The following UTS2B variants were observed in gnomAD, a reference collection of about 807,000 sequenced individuals.
UTS2B encodes the protein urotensin-2B.
UTS2B carries 21 observed loss-of-function variants against 19.2 expected under a neutral mutation model. The ratio of observed to expected loss-of-function variants is 1.09; its 90% CI spans 0.78 to 1.58. The LOEUF is 1.58. Ranked by LOEUF, UTS2B falls within the 40% of genes most tolerant of loss-of-function variation. The pLI is 0.00. For missense variants in UTS2B, 138 were observed against 130.3 expected (o/e 1.06, Z -0.29); for synonymous variants, 57 against 50.2 (o/e 1.14, Z -0.58).
upstream of UTS2B, among the ~76,000 whole-genome samples, chr3:191,331,274 T>C (rs1017780938): frequency 1.3e-5 from 2 of 152,214 alleles, no homozygotes; most frequent in Admixed American, 6.5e-5. Context: ...GCTATGATTT[T>C]ATCCAATCCC....
intron 8 of UTS2B, among the ~76,000 whole-genome samples, chr3:191,270,714 C>A (rs1222550304): frequency 1.3e-5 from 2 of 152,110 alleles, no homozygotes; most frequent in Non-Finnish European, 2.9e-5. Flanking sequence ...CCATTAATGA[C>A]CTTTCCTCTG....
the UTS2B span, among the ~76,000 whole-genome samples, chr3:191,336,402 T>C: frequency 6.6e-6 from 1 of 152,340 alleles, no homozygotes; most frequent in African/African-American, 2.4e-5. Context: ...TGGATTTAAT[T>C]TGTATTTCCC....
At position 191,282,274 on chromosome 3, in the gene UTS2B, C is replaced by A. The variant is rs904390881; in HGVS notation, c.-85G>T. On this transcript the variant is annotated 5_prime_UTR_variant, in exon 5 of 9. Coordinates refer to ENST00000340524, the MANE Select transcript of UTS2B (RefSeq NM_198152.5). ...TCTATAGCTTTGGAATTCAGTAGAG[C>A]TTAGTTGCAAAAGGCAAGTGTGCCT... 2 of 999,584 alleles carry A rather than the reference C, an allele frequency of 2.0e-6. No individual in the cohort carries two copies. Among genetic ancestry groups the A allele is most frequent in the Admixed American group, 5.6e-5 (2 of 35,424 alleles). 61.9% of individuals were successfully genotyped at this position (999,584 alleles called of 1,614,324 possible).
chr3:191,289,405 T>A (rs972297634), intron 4 of UTS2B, among the ~76,000 whole-genome samples: 2 of 100,976 alleles, frequency 2.0e-5, no homozygotes, highest in East Asian at 5.0e-4. Flanking sequence ...CAAGACTCCA[T>A]CTCAATAAAT....
At chr3:191,310,343 T>G (rs992813456) in intron 3 of UTS2B, among the ~76,000 whole-genome samples, 1 of 151,752 alleles carries the variant, frequency 6.6e-6, no homozygotes, top group Admixed American at 6.6e-5. Flanking sequence ...TCAAAACAAA[T>G]AGTAGGTTTC....
Position 191,276,845 on chromosome 3 carries a change from C to A in UTS2B, c.203-1G>T. The A allele has an allele frequency of 6.2e-7, 1 of 1,610,976 alleles. No individual in the cohort carries two copies. Among genetic ancestry groups the A allele is most frequent in the Non-Finnish European group, 8.5e-7 (1 of 1,178,794 alleles). On this transcript the variant is annotated splice_acceptor_variant, in intron 6 of 8. Transcript: ENST00000340524. LOFTEE classifies it high-confidence loss of function. The stretch of plus-strand genomic sequence containing the variant: ...TCCAGTTTGTTAGGTAAGGCTAGGT[C>A]TGCAAGACACATTTGTCACATGAAA...
chr3:191,286,806 G>GA (rs960626698), intron 4 of UTS2B, among the ~76,000 whole-genome samples: 5 of 148,918 alleles, frequency 3.4e-5, no homozygotes, highest in African/African-American at 1.2e-4. Flanking sequence ...AAGAACAATA[G>GA]AAAAGAGCAA....
intron 2 of UTS2B, among the ~76,000 whole-genome samples, chr3:191,324,778 G>A (rs767033623): frequency 3.9e-5 from 6 of 152,154 alleles, no homozygotes; most frequent in Non-Finnish European, 7.3e-5. Context: ...GCCCGGCGTG[G>A]TGGCTCATGC....
intron 8 of UTS2B, among the ~76,000 whole-genome samples, chr3:191,269,834 G>T (rs988957938): frequency 1.3e-5 from 2 of 152,184 alleles, no homozygotes; most frequent in Non-Finnish European, 2.9e-5. Flanking sequence ...ATATAGTTTG[G>T]AGAATTTTTT....
chr3:191,293,299 T>G (rs964926974), intron 4 of UTS2B, among the ~76,000 whole-genome samples: 2 of 152,232 alleles, frequency 1.3e-5, no homozygotes, highest in East Asian at 3.8e-4. Context: ...TCTTTTAAGT[T>G]TTTGAAGAGT....
At position 191,268,325 on chromosome 3, in the gene UTS2B, A is replaced by C. The variant is rs897089737; in HGVS notation, c.*91T>G. On this transcript the variant is annotated 3_prime_UTR_variant, in exon 9 of 9. Transcript: ENST00000340524. Reference sequence around the variant, plus strand: ...AGCATTTCATCTTTTATTCCACAGCAATAGTTTCAGGGGGTCTGCCTACAG... The same window carrying C: ...AGCATTTCATCTTTTATTCCACAGCCATAGTTTCAGGGGGTCTGCCTACAG... 4.3e-6 allele frequency: 4 copies of C among 929,416 alleles called. No individual in the cohort carries two copies. Among genetic ancestry groups the C allele is most frequent in the Non-Finnish European group, 6.5e-6 (4 of 619,342 alleles). 57.6% of individuals were successfully genotyped at this position (929,416 alleles called of 1,614,324 possible).
the UTS2B span, among the ~76,000 whole-genome samples, chr3:191,337,741 C>T: frequency 2.0e-5 from 3 of 151,878 alleles, no homozygotes; most frequent in South Asian, 2.1e-4. Context: ...AAGAGTATGC[C>T]GTATGCCAGC....
Position 191,278,148 on chromosome 3 carries a change from T to A in UTS2B, c.126A>T (p.Lys42Asn), listed in dbSNP as rs1716289202. Residue 42 changes from lysine to asparagine, a missense_variant, in exon 6 of 9, where the codon AAA becomes AAT. Lys to Asn is a moderately conservative substitution (Grantham distance 94). Transcript: ENST00000340524. The part of the protein sequence containing the change: ...LTQGNEIFPD[K>N]KYTNREELLL... ...ATAGTTCCTCACGATTTGTATATTTTTTATCTGGAAATATTTCATTTCCTA... is the reference window on the plus strand; with the variant it reads ...ATAGTTCCTCACGATTTGTATATTTATTATCTGGAAATATTTCATTTCCTA... 1 of 1,553,198 alleles carries A rather than the reference T, an allele frequency of 6.4e-7. No homozygotes were observed. The highest frequency in any genetic ancestry group is 2.1e-5 in the Admixed American group (1 of 47,844).
intron 4 of UTS2B, among the ~76,000 whole-genome samples, chr3:191,285,714 A>G (rs1375177642): frequency 6.6e-6 from 1 of 152,152 alleles, no homozygotes; most frequent in Non-Finnish European, 1.5e-5. Context: ...ATCCTGGCCA[A>G]CATGGTGAAA....
chr3:191,270,238 C>T (rs146413893), intron 8 of UTS2B, among the ~76,000 whole-genome samples: 80 of 152,266 alleles, frequency 5.3e-4, no homozygotes, highest in Middle Eastern at 3.4e-3. Context: ...GCTTTGTCAC[C>T]GAAGCTGGAG....
chr3:191,291,232 A>G (rs1716704551), intron 4 of UTS2B, among the ~76,000 whole-genome samples: 1 of 152,200 alleles, frequency 6.6e-6, no homozygotes, highest in South Asian at 2.1e-4. Context: ...ACATAATTTG[A>G]AAACATTTTT....
Position 191,311,473 on chromosome 3 carries a change from T to G in UTS2B, c.-182+4563A>C, listed in dbSNP as rs182775843. Among the ~76,000 whole-genome samples, 237 of 152,328 alleles carry G rather than the reference T, an allele frequency of 1.6e-3. 4 individuals are homozygous for G. Among genetic ancestry groups the G allele is most frequent in the Admixed American group, 0.013 (194 of 15,302 alleles). ...TCTGTCATCCCTGGGAAATCCATGA[T>G]CTATTGGGCATCACCATTGCTCTCT... On this transcript the variant is annotated intron_variant, in intron 3 of 8. Coordinates refer to ENST00000340524, the MANE Select transcript of UTS2B (RefSeq NM_198152.5).
intron 4 of UTS2B, among the ~76,000 whole-genome samples, chr3:191,300,833 T>C (rs958300716): frequency 2.0e-5 from 3 of 152,222 alleles, no homozygotes; most frequent in African/African-American, 7.2e-5. Context: ...GCTTTATGTT[T>C]GCCTTCAGGT....
the UTS2B span, among the ~76,000 whole-genome samples, chr3:191,340,833 ATTCTAT>A: frequency 6.6e-6 from 1 of 152,154 alleles, no homozygotes; most frequent in South Asian, 2.1e-4. Context: ...ATTGCTTCAG[ATTCTAT>A]TTCTTTTTCT....
Sources: gnomAD v4.1 joint callset for allele counts (sites outside exome capture counted in the v4.1 genomes callset) on GRCh38, gnomAD v4.1.1 for gene constraint, MANE v1.5 for transcripts, NCBI Gene and HGNC (gene_info 2026-07-23, HGNC 2026-07-21) for gene names.